Variants in LMX1B observed in about 807,000 individuals in gnomAD.
LMX1B encodes LIM homeobox transcription factor 1-beta.
LMX1B carries 12 observed loss-of-function variants against 51.4 expected under a neutral mutation model. That is an observed-to-expected ratio of 0.23 (90% CI 0.15 to 0.38). The LOEUF is 0.38. LMX1B is among the 10% of genes least tolerant of loss of function. LMX1B has a pLI of 1.00. For missense variants in LMX1B, 445 were observed against 571.1 expected (o/e 0.78, Z 2.25); for synonymous variants, 237 against 235.4 (o/e 1.01, Z -0.06).
chr9:126,690,348 A>AGG (rs2030076033), intron 2 of LMX1B, among the ~76,000 whole-genome samples: 1 of 152,044 alleles, frequency 6.6e-6, no homozygotes, highest in South Asian at 2.1e-4. Context: ...GAGCCCAGAG[A>AGG]GGGGACCAGG....
At chr9:126,623,425 G>A (rs948847460) in intron 2 of LMX1B, among the ~76,000 whole-genome samples, 4 of 152,224 alleles carry the variant, frequency 2.6e-5, no homozygotes, top group African/African-American at 9.7e-5. Context: ...AGGCATTGGC[G>A]TTTGTTGAGC....
intron 2 of LMX1B, among the ~76,000 whole-genome samples, chr9:126,634,604 C>CT (rs1316693921): frequency 1.3e-5 from 2 of 150,498 alleles, no homozygotes; most frequent in Non-Finnish European, 2.9e-5. Flanking sequence ...TTCTGCACAC[C>CT]CCCCCCACAA....
At chr9:126,620,308 C>T (rs949497971) in intron 2 of LMX1B, among the ~76,000 whole-genome samples, 1 of 152,180 alleles carries the variant, frequency 6.6e-6, no homozygotes, top group South Asian at 2.1e-4. Flanking sequence ...AGTTCACCTC[C>T]CAGCCCCAAG....
chr9:126,685,473 AC>A lies in LMX1B; in HGVS notation c.327-5361del, dbSNP rs531359925. Among the ~76,000 whole-genome samples the A allele has an allele frequency of 9.9e-5, 15 of 152,248 alleles. No individual in the cohort carries two copies. The South Asian group carries it at 3.1e-3, about 32-fold the overall frequency. On this transcript the variant is annotated intron_variant, in intron 2 of 7. Coordinates refer to ENST00000373474, the MANE Select transcript of LMX1B (RefSeq NM_001174147.2). ...CCAAACTTTGGGTGTCTCTCTCCCA[AC>A]CTTCTGCTTTCTCTCTGAAGTGGTA...
At chr9:126,653,563 G>A (rs1588282619) in intron 2 of LMX1B, among the ~76,000 whole-genome samples, 1 of 152,174 alleles carries the variant, frequency 6.6e-6, no homozygotes, top group African/African-American at 2.4e-5. Context: ...GTCTTGCACA[G>A]CCGCGGGACA....
chr9:126,681,150 G>C (rs1836662839), intron 2 of LMX1B, among the ~76,000 whole-genome samples: 1 of 152,212 alleles, frequency 6.6e-6, no homozygotes, highest in South Asian at 2.1e-4. Context: ...CCCTGTAGCA[G>C]TGTGTCTGTG....
rs112409449 is a variant in LMX1B, at chr9:126,651,298, G to T, written c.326+35729G>T. On this transcript the variant is annotated intron_variant, in intron 2 of 7. Transcript: ENST00000373474. ...GGGGAGGCACCTGGAAGGAGGGACT[G>T]GGGGGGGTGGCTCCAAGCTGCCCCG... Among the ~76,000 whole-genome samples, 59 of 140,424 alleles carry T rather than the reference G, an allele frequency of 4.2e-4. 1 individual carries two copies. The highest frequency in any genetic ancestry group is 1.8e-3 in the Admixed American group (26 of 14,404). 92.1% of individuals were successfully genotyped at this position (140,424 alleles called of 152,430 possible).
intron 2 of LMX1B, among the ~76,000 whole-genome samples, chr9:126,667,622 GT>G (rs997547022): frequency 3.9e-5 from 6 of 152,212 alleles, no homozygotes; most frequent in Non-Finnish European, 7.3e-5. Flanking sequence ...GGAGGTGGTG[GT>G]TTGAGAGCTT....
Position 126,633,154 on chromosome 9 carries a change from C to G in LMX1B, c.326+17585C>G, listed in dbSNP as rs1248199758. On this transcript the variant is annotated intron_variant, in intron 2 of 7. Transcript: ENST00000373474. The stretch of plus-strand genomic sequence containing the variant: ...CCGGTTTCATGGAGTCTCTCTGGCT[C>G]TGAGCCCCACCCCCGTCCTCCAGGC... Among the ~76,000 whole-genome samples the G allele has an allele frequency of 4.6e-5, 7 of 152,230 alleles. No individual in the cohort carries two copies. The East Asian group carries it at 1.2e-3, about 25-fold the overall frequency.
At chr9:126,666,196 G>C (rs935605624) in intron 2 of LMX1B, among the ~76,000 whole-genome samples, 2 of 152,216 alleles carry the variant, frequency 1.3e-5, no homozygotes, top group African/African-American at 4.8e-5. Flanking sequence ...ACCACCTCCT[G>C]GGGGGCAGCC....
At chr9:126,684,594 C>T (rs917105674) in intron 2 of LMX1B, among the ~76,000 whole-genome samples, 3 of 152,100 alleles carry the variant, frequency 2.0e-5, no homozygotes, top group Non-Finnish European at 4.4e-5. Flanking sequence ...GGCAGCCACA[C>T]CTGAAGATGG....
chr9:126,687,952 G>A (rs75966180), intron 2 of LMX1B, among the ~76,000 whole-genome samples: 3,070 of 152,262 alleles, frequency 0.02, 65 homozygotes, highest in African/African-American at 0.056. Flanking sequence ...GCCATTAGTC[G>A]CTCTCACCCC....
chr9:126,627,539 G>T (rs998222173), intron 2 of LMX1B, among the ~76,000 whole-genome samples: 2 of 151,944 alleles, frequency 1.3e-5, no homozygotes, highest in Non-Finnish European at 2.9e-5. Context: ...GGGTGGGAGG[G>T]GCTCTTCCCC....
At position 126,615,601 on chromosome 9, in the gene LMX1B, C is replaced by G. The variant is rs746564355; in HGVS notation, c.326+32C>G. The G allele has an allele frequency of 6.3e-7, 1 of 1,576,476 alleles. No individual in the cohort carries two copies. The highest frequency in any genetic ancestry group is 8.6e-7 in the Non-Finnish European group (1 of 1,160,354). On this transcript the variant is annotated intron_variant, in intron 2 of 7. Transcript: ENST00000373474. This position sits in a 1 kb window ranked among gnomAD's most constrained non-coding sequence, Gnocchi z 6.0. The stretch of plus-strand genomic sequence containing the variant: ...GCTTCTCGTCCTCCTTCCCCGCCAC[C>G]GCCCGGCACTCGAGCCCGGTCAGCC...
chr9:126,682,920 G>T (rs1194242185), intron 2 of LMX1B, among the ~76,000 whole-genome samples: 16 of 142,578 alleles, frequency 1.1e-4, no homozygotes, highest in African/African-American at 3.8e-4. Context: ...AAAAAAGAAA[G>T]AAAGAAATAT....
At chr9:126,664,136 T>TC (rs1350274819) in intron 2 of LMX1B, among the ~76,000 whole-genome samples, 1 of 151,974 alleles carries the variant, frequency 6.6e-6, no homozygotes, top group Admixed American at 6.6e-5. Flanking sequence ...CTCGTCTGCC[T>TC]CCAGCCACCT....
At position 126,700,411 on chromosome 9, in the gene LMX1B, A is replaced by C. The variant is rs2030500543; in HGVS notation, c.*3960A>C. 1 of 152,276 alleles carries C rather than the reference A, an allele frequency of 6.6e-6. No individual in the cohort carries two copies. Among genetic ancestry groups the C allele is most frequent in the Non-Finnish European group, 1.5e-5 (1 of 68,110 alleles). 9.4% of individuals were successfully genotyped at this position (152,276 alleles called of 1,614,324 possible). On this transcript the variant is annotated 3_prime_UTR_variant, in exon 8 of 8. Transcript: ENST00000373474. ...GAGGCTGATTCCCCACTCTGCCCCC[A>C]TCTGAATGTCCTTTTCATGTTGCAC...
At chr9:126,635,251 G>T (rs1477283159) in intron 2 of LMX1B, among the ~76,000 whole-genome samples, 5 of 152,136 alleles carry the variant, frequency 3.3e-5, no homozygotes, top group Non-Finnish European at 7.3e-5. Context: ...TCAGCTACTT[G>T]CCCCCACTCG....
At chr9:126,653,321 T>C (rs544516980) in intron 2 of LMX1B, among the ~76,000 whole-genome samples, 11 of 151,810 alleles carry the variant, frequency 7.2e-5, no homozygotes. Context: ...CATCCACTAA[T>C]TTTTTGTATT....
Sources: gnomAD v4.1 joint callset for allele counts (sites outside exome capture counted in the v4.1 genomes callset) on GRCh38, gnomAD v4.1.1 for gene constraint, Gnocchi (gnomAD v3.1) non-coding constraint, MANE v1.5 for transcripts, NCBI Gene and HGNC (gene_info 2026-07-23, HGNC 2026-07-21) for gene names.